NCKAP5: variants seen among roughly 807,000 people sequenced by gnomAD.
NCKAP5 encodes NCK associated protein 5, also known as nck-associated protein 5.
NCKAP5 carries 92 observed loss-of-function variants against 167.0 expected under a neutral mutation model. The observed-to-expected ratio is 0.55, with a 90% CI of 0.47 to 0.66. NCKAP5 has a LOEUF of 0.66. NCKAP5 is among the 30% of genes least tolerant of loss of function. NCKAP5 has a pLI of 0.00. For missense variants in NCKAP5, 2,378 were observed against 2,315.0 expected (o/e 1.03, Z -0.56); for synonymous variants, 891 against 877.4 (o/e 1.02, Z -0.27).
the NCKAP5 span, among the ~76,000 whole-genome samples, chr2:133,643,693 C>T: frequency 6.6e-6 from 1 of 152,152 alleles, no homozygotes; most frequent in Non-Finnish European, 1.5e-5. Flanking sequence ...TTTTCAAGTT[C>T]CCTCAGCAAA....
chr2:132,767,233 A>C (rs188296611), intron 16 of NCKAP5, among the ~76,000 whole-genome samples: 433 of 152,006 alleles, frequency 2.8e-3, no homozygotes, highest in Non-Finnish European at 4.5e-3. Context: ...AAGAGTTCTT[A>C]TTCTTCTTTT....
At chr2:133,614,076 A>G in the NCKAP5 span, among the ~76,000 whole-genome samples, 2 of 152,168 alleles carry the variant, frequency 1.3e-5, no homozygotes, top group African/African-American at 4.8e-5. Flanking sequence ...CTCCAAGACT[A>G]CACAGGAACA....
At chr2:133,345,058 C>A (rs373125786) in intron 3 of NCKAP5, among the ~76,000 whole-genome samples, 6 of 152,124 alleles carry the variant, frequency 3.9e-5, no homozygotes, top group African/African-American at 9.7e-5. Context: ...CTTTAAGGGG[C>A]CCCTGGGGAG....
chr2:133,583,262 T>C, the NCKAP5 span, among the ~76,000 whole-genome samples: 2 of 152,154 alleles, frequency 1.3e-5, no homozygotes, highest in African/African-American at 4.8e-5. Flanking sequence ...CCGTCATTCA[T>C]GGATCCCTCA....
chr2:133,295,793 T>C (rs1326181802), intron 4 of NCKAP5, among the ~76,000 whole-genome samples: 1 of 152,194 alleles, frequency 6.6e-6, no homozygotes, highest in Non-Finnish European at 1.5e-5. Flanking sequence ...CTAGTGCAGA[T>C]ATAGCTTGTT....
rs146985634 is a variant in NCKAP5, at chr2:133,318,098, C to G, written c.70-14988G>C. ...ACCCTTTTCTCCTTCAACTTTACCT[C>G]CAGAGACTGAGCCTATGTCATAGTT... On this transcript the variant is annotated intron_variant, in intron 3 of 19. Coordinates refer to ENST00000409261, the MANE Select transcript of NCKAP5 (RefSeq NM_207363.3). 3.3e-5 allele frequency among the ~76,000 whole-genome samples: 5 copies of G among 152,306 alleles called. No homozygotes were observed. In the East Asian group the frequency reaches 9.6e-4, roughly 29 times the overall value.
chr2:133,418,799 G>A (rs532277468), intron 3 of NCKAP5, among the ~76,000 whole-genome samples: 1 of 152,110 alleles, frequency 6.6e-6, no homozygotes, highest in African/African-American at 2.4e-5. Context: ...TTTCTAATAG[G>A]TCAGTCTTAA....
chr2:133,312,953 T>G (rs1681350570), intron 3 of NCKAP5, among the ~76,000 whole-genome samples: 1 of 152,338 alleles, frequency 6.6e-6, no homozygotes. Flanking sequence ...CACAACATCT[T>G]TGAGTCATGG....
chr2:133,036,402 T>C (rs2079042742), intron 6 of NCKAP5, among the ~76,000 whole-genome samples: 1 of 152,140 alleles, frequency 6.6e-6, no homozygotes, highest in African/African-American at 2.4e-5. Flanking sequence ...CTGATGAATA[T>C]TGATGCAAAA....
chr2:132,786,686 C>T (rs546002451), intron 13 of NCKAP5, among the ~76,000 whole-genome samples: 1 of 152,140 alleles, frequency 6.6e-6, no homozygotes, highest in South Asian at 2.1e-4. Flanking sequence ...ATTTACTGAG[C>T]CTCTGCTGTA....
chr2:132,958,827 C>G (rs964908948), intron 8 of NCKAP5, among the ~76,000 whole-genome samples: 2 of 152,048 alleles, frequency 1.3e-5, no homozygotes, highest in African/African-American at 2.4e-5. Flanking sequence ...GTAAATACCT[C>G]TCCTACCCCT....
intron 8 of NCKAP5, among the ~76,000 whole-genome samples, chr2:132,951,344 T>G (rs2076181592): frequency 6.6e-6 from 1 of 152,194 alleles, no homozygotes; most frequent in Non-Finnish European, 1.5e-5. Context: ...GAAAGTTCAA[T>G]TCATAAATTA....
At chr2:133,332,511 C>T (rs577757088) in intron 3 of NCKAP5, among the ~76,000 whole-genome samples, 1 of 152,220 alleles carries the variant, frequency 6.6e-6, no homozygotes, top group East Asian at 1.9e-4. Flanking sequence ...CCTGTTTACA[C>T]AGAAAATGAG....
chr2:133,063,442 G>C (rs1308482425), intron 6 of NCKAP5, among the ~76,000 whole-genome samples: 2 of 152,070 alleles, frequency 1.3e-5, no homozygotes, highest in Non-Finnish European at 2.9e-5. Flanking sequence ...CTCTTTTTCT[G>C]GTAGGAAGAG....
chr2:133,391,489 C>A (rs1406681740), intron 3 of NCKAP5: 1 of 152,154 alleles, frequency 6.6e-6, no homozygotes, highest in Non-Finnish European at 1.5e-5. Context: ...TTTAGTGACC[C>A]ATGGACAAAT....
intron 3 of NCKAP5, among the ~76,000 whole-genome samples, chr2:133,444,316 T>C (rs2151174570): frequency 6.6e-6 from 1 of 151,830 alleles, no homozygotes; most frequent in East Asian, 1.9e-4. Flanking sequence ...GCCCAGAAAC[T>C]TTGCCAAATG....
chr2:132,784,458 T>C lies in NCKAP5; in HGVS notation c.2353A>G (p.Asn785Asp). ...CCCATGGGTGCCGAAGACCTGGAAT[T>C]ACTCTGGCATGATATATTGTGTGTT... is the stretch of plus-strand genomic sequence containing the variant. ...KPTHNISCQS[N>D]SRSSAPMGIY... The change falls in exon 14 of 20, where the codon AAT becomes GAT. Residue 785 changes from asparagine to aspartate, a missense_variant. Transcript: ENST00000409261. The C allele has an allele frequency of 6.2e-7, 1 of 1,602,692 alleles. No individual in the cohort carries two copies. The highest frequency in any genetic ancestry group is 8.5e-7 in the Non-Finnish European group (1 of 1,175,264).
At chr2:132,809,372 A>C (rs1383861604) in intron 11 of NCKAP5, among the ~76,000 whole-genome samples, 1 of 152,126 alleles carries the variant, frequency 6.6e-6, no homozygotes, top group African/African-American at 2.4e-5. Flanking sequence ...GGAGTATTGA[A>C]GTCCCTCACT....
chr2:132,751,222 T>C (rs1013543637), intron 16 of NCKAP5, among the ~76,000 whole-genome samples: 2 of 151,994 alleles, frequency 1.3e-5, no homozygotes, highest in African/African-American at 4.8e-5. Context: ...GAGAGAGATT[T>C]CCCTCTATCC....
Sources: allele counts gnomAD v4.1 joint callset (sites outside exome capture counted in the v4.1 genomes callset), GRCh38; gene constraint gnomAD v4.1.1; transcripts MANE v1.5; gene names NCBI Gene and HGNC (gene_info 2026-07-23, HGNC 2026-07-21).